OGFOD1: variants seen among roughly 807,000 people sequenced by gnomAD.
OGFOD1 encodes the protein 2-oxoglutarate and iron dependent oxygenase domain containing 1, also known as prolyl 3-hydroxylase OGFOD1.
Under a neutral mutation model 67.7 loss-of-function variants are expected in OGFOD1, and 54 were observed. The observed-to-expected ratio is 0.80, with a 90% CI of 0.64 to 1.00. OGFOD1 has a LOEUF of 1.00. Ranked by LOEUF, OGFOD1 falls within the 50% of genes least tolerant of loss-of-function variation. OGFOD1 has a pLI of 0.00. For missense variants in OGFOD1, 606 were observed against 646.7 expected (o/e 0.94, Z 0.68); for synonymous variants, 221 against 227.0 (o/e 0.97, Z 0.24).
At chr16:56,463,386 T>TTTTTTTTTTTTTTTTTTTTTTTTTTTG (rs1962786385) in intron 4 of OGFOD1, among the ~76,000 whole-genome samples, 1 of 45,562 alleles carries the variant, frequency 2.2e-5, no homozygotes, top group Non-Finnish European at 4.1e-5. Flanking sequence ...TTTTTTGGGT[T>TTTTTTTTTTTTTTTTTTTTTTTTTTTG]TTTTTTTTTT....
In OGFOD1 at chr16:56,451,774, G is replaced by T. The variant is rs769833751; in HGVS notation, c.154+8G>T. On this transcript the variant is annotated splice_region_variant and intron_variant, in intron 1 of 12. Coordinates refer to ENST00000566157, the MANE Select transcript of OGFOD1 (RefSeq NM_018233.4). ...GGACGCCGTTCAGTCACGGTAACCGGGTGCTCTCAGGGAGGGGCCGCCACG... is the reference window on the plus strand; with the variant it reads ...GGACGCCGTTCAGTCACGGTAACCGTGTGCTCTCAGGGAGGGGCCGCCACG... 10 of 1,611,746 alleles carry T rather than the reference G, an allele frequency of 6.2e-6. No homozygotes were observed. Among genetic ancestry groups the T allele is most frequent in the Middle Eastern group, 4.3e-4 (2 of 4,700 alleles).
At position 56,458,714 on chromosome 16, in the gene OGFOD1, T is replaced by A. The variant is rs552496006; in HGVS notation, c.347+120T>A. On this transcript the variant is annotated intron_variant, in intron 3 of 12. Coordinates refer to ENST00000566157, the MANE Select transcript of OGFOD1 (RefSeq NM_018233.4). ...TTGTTGACATTGTTAACCCACTTTG[T>A]AGAGGAGGAAAGAGACCGAGAAATT... 186 of 831,972 alleles carry A rather than the reference T, an allele frequency of 2.2e-4. No homozygotes were observed. In the South Asian group the frequency reaches 2.8e-3, roughly 12 times the overall value. The allele number at this position is 831,972 out of a possible 1,614,324, so 51.5% of individuals were successfully genotyped here.
chr16:56,476,059 C>T lies in OGFOD1; in HGVS notation c.1483C>T (p.Pro495Ser). The change falls in exon 13 of 13, where the codon CCA (proline) becomes TCA (serine). Residue 495 changes from proline (P) to serine (S), a missense_variant. Transcript: ENST00000566157. ...TCTTTTTCAGCTGCTAACAGTGAAT[C>T]CAGAAAGCAATTCTTTGGCATTGGT... ...GEDEELLTVN[P>S]ESNSLALVYR... 1 of 1,611,630 alleles carries T rather than the reference C, an allele frequency of 6.2e-7. No homozygotes were observed. Among genetic ancestry groups the T allele is most frequent in the Non-Finnish European group, 8.5e-7 (1 of 1,179,194 alleles).
chr16:56,458,432 T>G (rs1962598875), intron 2 of OGFOD1, 116 bp from the exon 3 acceptor site: 1 of 907,924 alleles, frequency 1.1e-6, no homozygotes, highest in Non-Finnish European at 1.8e-6. Flanking sequence ...CAGCCTGGCT[T>G]CAGAGTCTGG....
chr16:56,469,971 G>C, intron 8 of OGFOD1, 32 bp from the exon 9 acceptor site: 2 of 1,602,246 alleles, frequency 1.2e-6, no homozygotes, highest in Non-Finnish European at 1.7e-6. Context: ...AGGGAGATCT[G>C]CTGAATGCTT....
intron 3 of OGFOD1, among the ~76,000 whole-genome samples, chr16:56,461,266 A>G (rs1291992681): frequency 2.6e-5 from 4 of 152,154 alleles, no homozygotes; most frequent in Admixed American, 2.0e-4. Context: ...CACTTAATCA[A>G]TGATTCCTTC....
At chr16:56,468,725 CAAA>C (rs34973805) in intron 8 of OGFOD1, among the ~76,000 whole-genome samples, 15 of 132,908 alleles carry the variant, frequency 1.1e-4, no homozygotes, top group Non-Finnish European at 1.5e-4. Flanking sequence ...GACTCCGTCT[CAAA>C]AAAAAAAAAA....
rs1403329202 is a variant in OGFOD1, at chr16:56,469,930, T to C, written c.901-73T>C. 2.5e-6 allele frequency: 3 copies of C among 1,206,336 alleles called. No homozygotes were observed. In the Admixed American group the frequency reaches 5.2e-5, roughly 21 times the overall value. The allele number at this position is 1,206,336 out of a possible 1,614,324, so 74.7% of individuals were successfully genotyped here. ...CAGCCAGATTGATGTTTGGCAGAGC[T>C]GCTGTACCTGCCAAACCAGTGCGGG... On this transcript the variant is annotated intron_variant, in intron 8 of 12. Transcript: ENST00000566157.
chr16:56,465,422 C>T (rs1962862369), intron 4 of OGFOD1, among the ~76,000 whole-genome samples: 1 of 152,200 alleles, frequency 6.6e-6, no homozygotes, highest in Non-Finnish European at 1.5e-5. Context: ...ATATTTGTAA[C>T]TCCCTTCTTG....
At chr16:56,463,384 GTTTTTTTTTTTTTTTT>G (rs56388148) in intron 4 of OGFOD1, among the ~76,000 whole-genome samples, 16 of 43,786 alleles carry the variant, frequency 3.7e-4, no homozygotes, top group Admixed American at 2.4e-3. Flanking sequence ...TCTTTTTTGG[GTTTTTTTTTTTTTTTT>G]TTTTTTTTTT....
chr16:56,469,046 A>G (rs1963030767), intron 8 of OGFOD1, among the ~76,000 whole-genome samples: 3 of 152,226 alleles, frequency 2.0e-5, no homozygotes, highest in African/African-American at 7.2e-5. Context: ...TAAGGTTTTG[A>G]GAAGTATTAT....
Position 56,466,326 on chromosome 16 carries a change from G to A in OGFOD1, c.565+58G>A, listed in dbSNP as rs896344082. On this transcript the variant is annotated intron_variant, in intron 5 of 12. Coordinates refer to ENST00000566157, the MANE Select transcript of OGFOD1 (RefSeq NM_018233.4). ...CCAGTGGCACTTCTGAGTTAAAGCT[G>A]AGTTGATTCAGTATCATGTTTTTGT... 6 of 1,071,952 alleles carry A rather than the reference G, an allele frequency of 5.6e-6. No homozygotes were observed. In the African/African-American group the frequency reaches 6.2e-5, roughly 11 times the overall value. 66.4% of individuals were successfully genotyped at this position (1,071,952 alleles called of 1,614,324 possible).
Position 56,460,457 on chromosome 16 carries a change from C to G in OGFOD1, c.347+1863C>G, listed in dbSNP as rs562955269. Among the ~76,000 whole-genome samples the G allele has an allele frequency of 2.6e-5, 4 of 152,356 alleles. No homozygotes were observed. In the South Asian group the frequency reaches 8.3e-4, roughly 32 times the overall value. Reference sequence around the variant, plus strand: ...AGGATTTAAGACTATTAGTTGCTTACAGTATCAAGACTTTGAAGAAATATT... The same window carrying G: ...AGGATTTAAGACTATTAGTTGCTTAGAGTATCAAGACTTTGAAGAAATATT... On this transcript the variant is annotated intron_variant, in intron 3 of 12. Coordinates refer to ENST00000566157, the MANE Select transcript of OGFOD1 (RefSeq NM_018233.4).
intron 3 of OGFOD1, 38 bp from the exon 4 acceptor site, chr16:56,462,496 C>T (rs1377030993): frequency 8.3e-6 from 11 of 1,321,994 alleles, no homozygotes; most frequent in Middle Eastern, 1.8e-4. Context: ...AGATCCCACA[C>T]TGTGGCATAA....
chr16:56,455,164 G>C (rs560788235), intron 2 of OGFOD1, among the ~76,000 whole-genome samples: 32 of 152,280 alleles, frequency 2.1e-4, no homozygotes, highest in African/African-American at 7.0e-4. Context: ...TCAGGAGATG[G>C]AGACCATCCT....
In OGFOD1 at chr16:56,451,736, G is replaced by A; in HGVS notation, c.124G>A (p.Ala42Thr). 6.2e-7 allele frequency: 1 copy of A among 1,613,244 alleles called. No individual in the cohort carries two copies. Among genetic ancestry groups the A allele is most frequent in the Non-Finnish European group, 8.5e-7 (1 of 1,179,908 alleles). ...AACCTTGAAAAAGCAGGTGGCTGAG[G>A]CCTGGAGCCGCAGGACGCCGTTCAG... ...EETLKKQVAE[A>T]WSRRTPFSHE... The change falls in exon 1 of 13, where the codon GCC (alanine) becomes ACC (threonine). Residue 42 changes from alanine (A) to threonine (T), a missense_variant. Transcript: ENST00000566157.
chr16:56,473,943 AT>A (rs1233897701), intron 10 of OGFOD1, among the ~76,000 whole-genome samples: 5 of 151,980 alleles, frequency 3.3e-5, no homozygotes, highest in African/African-American at 7.3e-5. Context: ...AGTAGCTGGG[AT>A]TACAGGCACA....
At chr16:56,466,295 TCAC>T in intron 5 of OGFOD1, 27 bp downstream of exon 5, 1 of 1,413,806 alleles carries the variant, frequency 7.1e-7, no homozygotes, top group South Asian at 1.2e-5. Context: ...TGCATGCACT[TCAC>T]CACCAGTGGC....
intron 10 of OGFOD1, among the ~76,000 whole-genome samples, chr16:56,471,987 G>A (rs1282776109): frequency 2.0e-5 from 3 of 151,544 alleles, no homozygotes; most frequent in East Asian, 1.9e-4. Flanking sequence ...TTTGAGACAC[G>A]GTCTTGCACT....
Sources: gnomAD v4.1 joint callset for allele counts (sites outside exome capture counted in the v4.1 genomes callset) on GRCh38, gnomAD v4.1.1 for gene constraint, MANE v1.5 for transcripts, NCBI Gene and HGNC (gene_info 2026-07-23, HGNC 2026-07-21) for gene names.